Variants in SCLT1 observed in about 807,000 individuals in gnomAD.
SCLT1 encodes the protein sodium channel and clathrin linker 1.
A neutral mutation model predicts 112.8 loss-of-function variants in SCLT1; 78 were observed. That is an observed-to-expected ratio of 0.69 (90% CI 0.58 to 0.83). SCLT1 has a LOEUF of 0.83. Ranked by LOEUF, SCLT1 falls within the 40% of genes least tolerant of loss-of-function variation. The pLI is 0.00. For missense variants in SCLT1, 747 were observed against 770.4 expected (o/e 0.97, Z 0.36); for synonymous variants, 257 against 254.7 (o/e 1.01, Z -0.09).
Position 129,072,301 on chromosome 4 carries a change from C to T in SCLT1, c.102+10005G>A, listed in dbSNP as rs146832420. On this transcript the variant is annotated intron_variant, in intron 2 of 20. Transcript: ENST00000281142. ...AATGTCCTAGGCAAAGATCTTTTTG[C>T]GATGAATTTCCCAGATGTTCTTTGT... Among the ~76,000 whole-genome samples, 303 of 152,212 alleles carry T rather than the reference C, an allele frequency of 2.0e-3. 2 individuals are homozygous for T. Among genetic ancestry groups the T allele is most frequent in the East Asian group, 0.014 (72 of 5,176 alleles).
At chr4:128,878,221 A>C (rs2125914929) in intron 3 of SCLT1, among the ~76,000 whole-genome samples, 1 of 152,332 alleles carries the variant, frequency 6.6e-6, no homozygotes, top group Non-Finnish European at 1.5e-5. Flanking sequence ...AAAGATAAAA[A>C]TAATGTGTAT....
At chr4:128,897,977 C>T in intron 18 of SCLT1, among the ~76,000 whole-genome samples, 1 of 152,176 alleles carries the variant, frequency 6.6e-6, no homozygotes, top group Non-Finnish European at 1.5e-5. Flanking sequence ...AGCTAACTAT[C>T]TTAAATATAT....
chr4:128,978,387 A>G (rs1741365129), intron 9 of SCLT1, among the ~76,000 whole-genome samples: 3 of 152,080 alleles, frequency 2.0e-5, no homozygotes, highest in African/African-American at 7.2e-5. Context: ...AGAAATGTAT[A>G]CTTTTCATAG....
intron 18 of SCLT1, among the ~76,000 whole-genome samples, chr4:128,897,374 T>C (rs1183709725): frequency 2.0e-5 from 3 of 152,056 alleles, no homozygotes; most frequent in East Asian, 1.9e-4. Flanking sequence ...ATATTCAATA[T>C]TCTTAAAGAA....
In SCLT1 at chr4:128,922,628, C is replaced by T. The variant is rs191875736; in HGVS notation, c.1829+14027G>A. ...GTATACATGGACACAAAGAAGGAAA[C>T]AGCAGACACCTACTTGAGGATGGAG... is the stretch of plus-strand genomic sequence containing the variant. On this transcript the variant is annotated intron_variant, in intron 18 of 20. Coordinates refer to ENST00000281142, the MANE Select transcript of SCLT1 (RefSeq NM_144643.4). Among the ~76,000 whole-genome samples, 348 of 152,218 alleles carry T rather than the reference C, an allele frequency of 2.3e-3. 1 individual carries two copies. Among genetic ancestry groups the T allele is most frequent in the African/African-American group, 8.1e-3 (336 of 41,542 alleles).
Position 128,945,992 on chromosome 4 carries a change from A to G in SCLT1, c.1439+15T>C, listed in dbSNP as rs200690244. ...CTGAAGATGTTATCATAGAAAATCC[A>G]AAAGAAAAACTTACTCAGTTTCAAG... is the stretch of plus-strand genomic sequence containing the variant. On this transcript the variant is annotated intron_variant, in intron 16 of 20. Transcript: ENST00000281142. 4.4e-6 allele frequency: 7 copies of G among 1,575,004 alleles called. No individual in the cohort carries two copies. The highest frequency in any genetic ancestry group is 1.7e-4 in the Middle Eastern group (1 of 5,922).
intron 5 of SCLT1, among the ~76,000 whole-genome samples, chr4:129,013,126 TCCTCTCCCTCCTC>T (rs1337524917): frequency 6.6e-6 from 1 of 152,170 alleles, no homozygotes; most frequent in East Asian, 1.9e-4. Context: ...TCTTTTCTGC[TCCTCTCCCTCCTC>T]CCACCCTCTC....
At chr4:129,063,742 C>T (rs1750210192) in intron 2 of SCLT1, among the ~76,000 whole-genome samples, 1 of 152,198 alleles carries the variant, frequency 6.6e-6, no homozygotes, top group Non-Finnish European at 1.5e-5. Flanking sequence ...CAAGCCCTGA[C>T]TGTGAGTCCC....
intron 20 of SCLT1, among the ~76,000 whole-genome samples, chr4:128,884,931 CA>C (rs1732778925): frequency 6.6e-6 from 1 of 152,302 alleles, no homozygotes; most frequent in South Asian, 2.1e-4. Context: ...AGGTGTAAGC[CA>C]CTGTGCCCAG....
At chr4:129,029,677 A>G (rs561570083) in intron 5 of SCLT1, among the ~76,000 whole-genome samples, 1 of 152,106 alleles carries the variant, frequency 6.6e-6, no homozygotes, top group African/African-American at 2.4e-5. Context: ...TAAAAGTATA[A>G]TAATAATAAA....
At chr4:128,969,783 T>A (rs1740528618) in intron 10 of SCLT1, among the ~76,000 whole-genome samples, 1 of 152,140 alleles carries the variant, frequency 6.6e-6, no homozygotes, top group African/African-American at 2.4e-5. Flanking sequence ...TAAAAATTTA[T>A]CCAAGTTTTA....
chr4:128,983,241 GA>G (rs1210563292), intron 9 of SCLT1, among the ~76,000 whole-genome samples: 1 of 152,102 alleles, frequency 6.6e-6, no homozygotes, highest in Non-Finnish European at 1.5e-5. Context: ...GTTATTCCTA[GA>G]AAGATATAAT....
intron 2 of SCLT1, among the ~76,000 whole-genome samples, chr4:129,045,390 A>T (rs139747512): frequency 6.6e-6 from 1 of 152,114 alleles, no homozygotes; most frequent in Admixed American, 6.6e-5. Context: ...AAGTTAAAAG[A>T]CCTACAGCAT....
At chr4:128,920,195 G>A (rs561199656) in intron 18 of SCLT1, among the ~76,000 whole-genome samples, 41 of 152,218 alleles carry the variant, frequency 2.7e-4, no homozygotes, top group African/African-American at 9.6e-4. Context: ...AAGACGATCC[G>A]CCACAATCAA....
intron 2 of SCLT1, among the ~76,000 whole-genome samples, chr4:129,062,893 C>T (rs528715707): frequency 9.9e-5 from 15 of 152,132 alleles, no homozygotes; most frequent in Non-Finnish European, 1.9e-4. Flanking sequence ...TGTTTGGGAA[C>T]CCTTGGGTCT....
chr4:128,960,498 T>A (rs1739592456), intron 11 of SCLT1, among the ~76,000 whole-genome samples: 1 of 152,232 alleles, frequency 6.6e-6, no homozygotes, highest in Non-Finnish European at 1.5e-5. Context: ...TCTGTATTTC[T>A]CTATTAGAAA....
At chr4:129,060,381 C>T (rs1749849611) in intron 2 of SCLT1, among the ~76,000 whole-genome samples, 1 of 152,082 alleles carries the variant, frequency 6.6e-6, no homozygotes, top group Non-Finnish European at 1.5e-5. Flanking sequence ...TTGGTGGTGA[C>T]ATATTCCCTT....
intron 17 of SCLT1, among the ~76,000 whole-genome samples, chr4:128,939,108 C>T (rs749695170): frequency 6.6e-5 from 10 of 152,230 alleles, no homozygotes; most frequent in Non-Finnish European, 1.3e-4. Context: ...TATCGTTTCA[C>T]AAGCTTTGCT....
intron 2 of SCLT1, among the ~76,000 whole-genome samples, chr4:129,076,537 T>G (rs566290201): frequency 2.2e-4 from 33 of 152,172 alleles, no homozygotes; most frequent in Non-Finnish European, 4.0e-4. Flanking sequence ...GAAAATAAAC[T>G]TATTTTTAGT....
Sources: allele counts gnomAD v4.1 joint callset (sites outside exome capture counted in the v4.1 genomes callset), GRCh38; gene constraint gnomAD v4.1.1; transcripts MANE v1.5; gene names NCBI Gene and HGNC (gene_info 2026-07-23, HGNC 2026-07-21).